RPL38: variants seen among roughly 807,000 people sequenced by gnomAD.
RPL38 encodes the protein ribosomal protein L38, also known as large ribosomal subunit protein eL38.
A neutral mutation model predicts 12.8 loss-of-function variants in RPL38; 2 were observed. That is an observed-to-expected ratio of 0.16 (90% CI 0.06 to 0.49). RPL38 has a LOEUF of 0.49. Ranked by LOEUF, RPL38 falls within the 20% of genes least tolerant of loss-of-function variation. The pLI is 0.96. For synonymous variants in RPL38, 42 were observed against 30.1 expected, an observed-to-expected ratio of 1.39 and a Z score of -1.29; for missense variants, 52 against 79.8, an observed-to-expected ratio of 0.65 and a Z score of 1.33.
chr17:74,206,454 C>T (rs922155613), intron 3 of RPL38, among the ~76,000 whole-genome samples: 3 of 152,126 alleles, frequency 2.0e-5, no homozygotes, highest in Admixed American at 6.5e-5. Context: ...TCAGTAAATA[C>T]ACATTGTTGA....
At chr17:74,209,346 G>T in intron 4 of RPL38, 37 bp downstream of exon 4, 4 of 1,605,990 alleles carry the variant, frequency 2.5e-6, no homozygotes, top group Non-Finnish European at 3.4e-6. Context: ...GGCGGGTGGG[G>T]TTTGGAAGGT....
intron 4 of RPL38, 26 bp from the exon 5 acceptor site, chr17:74,209,778 G>T (rs1030257904): frequency 1.9e-6 from 3 of 1,609,450 alleles, no homozygotes; most frequent in Admixed American, 1.7e-5. Flanking sequence ...CTTCTGGATG[G>T]CTTACTTTTG....
chr17:74,204,421 C>T (rs547527899), intron 3 of RPL38: 53 of 554,400 alleles, frequency 9.6e-5, no homozygotes, highest in African/African-American at 9.3e-4. Context: ...TCTCAGAGGC[C>T]GCCCTGAGTT....
intron 1 of RPL38, 29 bp from the exon 2 acceptor site, chr17:74,203,889 G>C: frequency 1.9e-6 from 3 of 1,552,452 alleles, no homozygotes; most frequent in Non-Finnish European, 2.6e-6. Flanking sequence ...CCCCCGCGCC[G>C]TGTTAACGCC....
intron 3 of RPL38, 55 bp downstream of exon 3, chr17:74,204,245 C>T (rs745847486): frequency 4.0e-6 from 6 of 1,515,282 alleles, no homozygotes; most frequent in Admixed American, 3.5e-5. Context: ...GGCACCGCTC[C>T]GGGAGCGTCT....
At chr17:74,206,019 C>CA (rs1389911115) in intron 3 of RPL38, 4 of 151,712 alleles carry the variant, frequency 2.6e-5, no homozygotes, top group Middle Eastern at 3.4e-3. Context: ...GACTGTCTCA[C>CA]AAAAAAAATT....
At chr17:74,206,310 G>C (rs886499533) in intron 3 of RPL38, 2 of 152,106 alleles carry the variant, frequency 1.3e-5, no homozygotes, top group African/African-American at 4.8e-5. Context: ...CCGGGCGTGT[G>C]CTGGTGGTCC....
chr17:74,203,931 C>T lies in RPL38; in HGVS notation c.-25C>T, dbSNP rs1361230228. 19 of 1,602,434 alleles carry T rather than the reference C, an allele frequency of 1.2e-5. No homozygotes were observed. Among genetic ancestry groups the T allele is most frequent in the Non-Finnish European group, 1.6e-5 (19 of 1,172,308 alleles). The stretch of plus-strand genomic sequence containing the variant: ...TGTTTCCCGCAGGTCCTGGTCCGCG[C>T]CAGAGCCCAGCGCGCCTCGTCGCCA... On this transcript the variant is annotated 5_prime_UTR_variant, in exon 2 of 5. Coordinates refer to ENST00000311111, the MANE Select transcript of RPL38 (RefSeq NM_000999.4).
chr17:74,205,216 C>T (rs1367599759), intron 3 of RPL38: 4 of 152,196 alleles, frequency 2.6e-5, no homozygotes, highest in African/African-American at 4.8e-5. Context: ...AGTTGTGTTA[C>T]TCCTTTGTGA....
At chr17:74,207,425 A>G (rs1323086550) in intron 3 of RPL38, among the ~76,000 whole-genome samples, 2 of 152,186 alleles carry the variant, frequency 1.3e-5, no homozygotes, top group Non-Finnish European at 2.9e-5. Flanking sequence ...TGCTCTGAAC[A>G]TGTGTGTGCA....
chr17:74,209,318 G>C lies in RPL38; in HGVS notation c.187+9G>C. 6.2e-7 allele frequency: 1 copy of C among 1,613,738 alleles called. No homozygotes were observed. The highest frequency in any genetic ancestry group is 8.5e-7 in the Non-Finnish European group (1 of 1,179,872). Reference sequence around the variant, plus strand: ...GCAGTCCCTGCCCCCCGGTGAGTGAGCCTGAAGTCACTTCAGGGGCGGGTG... The same window carrying C: ...GCAGTCCCTGCCCCCCGGTGAGTGACCCTGAAGTCACTTCAGGGGCGGGTG... On this transcript the variant is annotated intron_variant, in intron 4 of 4. Transcript: ENST00000311111.
At chr17:74,204,219 G>C (rs780629070) in intron 3 of RPL38, 29 bp downstream of exon 3, 5 of 1,608,594 alleles carry the variant, frequency 3.1e-6, no homozygotes, top group Non-Finnish European at 4.3e-6. Flanking sequence ...GGTTCAAGAA[G>C]AGCGGTGCCT....
chr17:74,210,438 A>G lies in RPL38; in HGVS notation c.*609A>G, dbSNP rs555821876. On this transcript the variant is annotated 3_prime_UTR_variant, in exon 5 of 5. Transcript: ENST00000311111. ...GGGTGCAACAAGGTATAGCACATCT[A>G]CCACTCGCTAACTTGACTGACTTGG... 3 of 152,322 alleles carry G rather than the reference A, an allele frequency of 2.0e-5. No homozygotes were observed. The highest frequency in any genetic ancestry group is 2.1e-4 in the South Asian group (1 of 4,846). 9.4% of individuals were successfully genotyped at this position (152,322 alleles called of 1,614,324 possible). A position where few individuals can be genotyped will look rare whatever the true frequency, so the allele number is the denominator to read the frequency against.
intron 3 of RPL38, 130 bp from the exon 4 acceptor site, chr17:74,209,055 GCA>G: frequency 1.1e-6 from 1 of 898,496 alleles, no homozygotes; most frequent in Non-Finnish European, 1.8e-6. Flanking sequence ...TTTTCTGTTT[GCA>G]CAGAGGGATG....
At chr17:74,207,922 G>T (rs1400976754) in intron 3 of RPL38, among the ~76,000 whole-genome samples, 1 of 152,220 alleles carries the variant, frequency 6.6e-6, no homozygotes, top group Admixed American at 6.5e-5. Flanking sequence ...CAGGTGTCTG[G>T]ATGTATTAAG....
intron 2 of RPL38, 82 bp downstream of exon 2, chr17:74,204,040 C>T (rs752972250): frequency 8.1e-6 from 13 of 1,611,722 alleles, no homozygotes; most frequent in South Asian, 3.3e-5. Flanking sequence ...TCCCAAGGAT[C>T]TCCTGAGGCC....
chr17:74,209,339 G>T (rs561484616), intron 4 of RPL38, 30 bp downstream of exon 4: 1 of 1,609,258 alleles, frequency 6.2e-7, no homozygotes, highest in Non-Finnish European at 8.5e-7. Context: ...CTTCAGGGGC[G>T]GGTGGGGTTT....
chr17:74,204,023 G>A, intron 2 of RPL38, 65 bp downstream of exon 2: 6 of 1,612,880 alleles, frequency 3.7e-6, no homozygotes, highest in Non-Finnish European at 5.1e-6. Flanking sequence ...GCGAGGGCGA[G>A]AGAGCCTCCC....
intron 4 of RPL38, 143 bp downstream of exon 4, chr17:74,209,452 T>C: frequency 1.1e-6 from 1 of 906,184 alleles, no homozygotes; most frequent in Non-Finnish European, 1.7e-6. Context: ...GTTGGGAGTG[T>C]GAGGAATAGT....
Sources: allele counts gnomAD v4.1 joint callset (sites outside exome capture counted in the v4.1 genomes callset), GRCh38; gene constraint gnomAD v4.1.1; transcripts MANE v1.5; gene names NCBI Gene and HGNC (gene_info 2026-07-23, HGNC 2026-07-21).